Variants in SPTBN2 observed in about 807,000 individuals in gnomAD.
SPTBN2 encodes spectrin beta, non-erythrocytic 2.
SPTBN2 carries 107 observed loss-of-function variants against 284.2 expected under a neutral mutation model. That is an observed-to-expected ratio of 0.38 (90% confidence interval 0.32 to 0.44). The LOEUF is 0.44. Among genes scored for constraint, SPTBN2 ranks in the 20% least tolerant of loss-of-function variants. The probability of loss-of-function intolerance (pLI) is 1.00; values close to 1 mark genes in which losing one functional copy is unlikely to be tolerated. For synonymous variants in SPTBN2, 1,289 were observed against 1,354.8 expected (o/e 0.95, Z 1.07); for missense variants, 2,569 against 3,287.1 (o/e 0.78, Z 5.34).
At position 66,688,266 on chromosome 11, in the gene SPTBN2, C is replaced by T. The variant is rs767828250; in HGVS notation, c.6277G>A (p.Glu2093Lys). The T allele has an allele frequency of 6.2e-6, 10 of 1,611,802 alleles. No individual in the cohort carries two copies. Among genetic ancestry groups the T allele is most frequent in the Non-Finnish European group, 8.5e-6 (10 of 1,179,232 alleles). ...GGAGCAGGCGGCTGTTTCCGCCGCT[C>T]CTCCTCCTCCCTCTTTCTCTTTCGC... is the stretch of plus-strand genomic sequence containing the variant. Reference protein sequence around the residue: ...KERKRKREEEERRKQPPAPEP... With the variant: ...KERKRKREEEKRRKQPPAPEP... The change falls in exon 32 of 38, where the codon GAG (glutamate) becomes AAG (lysine). Residue 2093 changes from glutamate to lysine, a missense_variant. Around this residue, in one of 6 missense-constraint regions of SPTBN2, gnomAD observed 1,130 missense variants for 1,317.3 expected, o/e 0.86. Transcript: ENST00000533211.
chr11:66,688,583 C>T, intron 31 of SPTBN2, 70 bp downstream of exon 31: 1 of 1,592,720 alleles, frequency 6.3e-7, no homozygotes, highest in Non-Finnish European at 8.6e-7. Flanking sequence ...GACATGTCTT[C>T]TCCAAGCAGA....
At chr11:66,694,107 G>A in intron 22 of SPTBN2, 32 bp downstream of exon 22, 1 of 1,598,766 alleles carries the variant, frequency 6.3e-7, no homozygotes, top group Non-Finnish European at 8.5e-7. Context: ...ATGGCTGGGG[G>A]CAGCTTGCCG....
chr11:66,696,525 T>C lies in SPTBN2; in HGVS notation c.4030A>G (p.Thr1344Ala). Residue 1344 changes from threonine (T) to alanine (A), a missense_variant, in exon 21 of 38, where the codon ACC (threonine) becomes GCC (alanine). Coordinates refer to ENST00000533211, the MANE Select transcript of SPTBN2 (RefSeq NM_006946.4). Reference sequence around the variant, plus strand: ...GCTTTCAGCTCTGGCTTCTCAAGGGTGAGCTCTCGCCCTTCCTGGAAGGCA... The same window carrying C: ...GCTTTCAGCTCTGGCTTCTCAAGGGCGAGCTCTCGCCCTTCCTGGAAGGCA... ...DKVDKEGRELTLEKPELKALV... is the reference protein window; with the variant it reads ...DKVDKEGRELALEKPELKALV... 1 of 1,611,678 alleles carries C rather than the reference T, an allele frequency of 6.2e-7. No homozygotes were observed. Among genetic ancestry groups the C allele is most frequent in the Non-Finnish European group, 8.5e-7 (1 of 1,180,012 alleles).
chr11:66,715,799 C>T lies in SPTBN2; in HGVS notation c.309+31G>A, dbSNP rs776434495. ...GTCCCCTTGGACACTTTTCTAAGGC[C>T]CCCCCACTTCCCTTCATGACCACAG... On this transcript the variant is annotated intron_variant, in intron 4 of 37. Coordinates refer to ENST00000533211, the MANE Select transcript of SPTBN2 (RefSeq NM_006946.4). The surrounding 1 kb of genome is among the most constrained non-coding windows in gnomAD (Gnocchi z 5.3). The T allele has an allele frequency of 8.7e-6, 14 of 1,612,574 alleles. No individual in the cohort carries two copies. The highest frequency in any genetic ancestry group is 1.1e-5 in the Non-Finnish European group (13 of 1,179,564).
Position 66,708,068 on chromosome 11 carries a change from C to G in SPTBN2, c.1350+73G>C. On this transcript the variant is annotated intron_variant, in intron 12 of 37. Transcript: ENST00000533211. This position sits in a 1 kb window ranked among gnomAD's most constrained non-coding sequence, Gnocchi z 4.4. ...TGTGTTTCATTGTCTCTCCACCCCG[C>G]GGGGCTTCTTATCCACCCTGTCTCT... 3.7e-6 allele frequency: 6 copies of G among 1,602,930 alleles called. No homozygotes were observed. Among genetic ancestry groups the G allele is most frequent in the Non-Finnish European group, 5.1e-6 (6 of 1,171,552 alleles).
intron 36 of SPTBN2, 78 bp downstream of exon 36, chr11:66,686,916 C>A (rs1435729656): frequency 5.0e-6 from 8 of 1,597,496 alleles, no homozygotes; most frequent in Non-Finnish European, 6.0e-6. Context: ...ACTCCCCTCC[C>A]TCTGGACCTG....
chr11:66,696,368 T>G lies in SPTBN2; in HGVS notation c.4187A>C (p.Glu1396Ala). 6.2e-7 allele frequency: 1 copy of G among 1,613,458 alleles called. No individual in the cohort carries two copies. Among genetic ancestry groups the G allele is most frequent in the Non-Finnish European group, 8.5e-7 (1 of 1,180,030 alleles). The change falls in exon 21 of 38, where the codon GAG becomes GCG. Residue 1396 changes from glutamate to alanine, a missense_variant. Transcript: ENST00000533211. ...ELFAQSCCAL[E>A]SWLESLQAQL... ...GGCCTGCAGGCTCTCCAGCCAGCTC[T>G]CCAGGGCACAGCAGCTCTGGGCAAA...
At chr11:66,744,375 T>C (rs1340497996) in intron 1 of SPTBN2, 1 of 153,792 alleles carries the variant, frequency 6.5e-6, no homozygotes, top group Non-Finnish European at 1.4e-5. Flanking sequence ...ACCCGCTTGG[T>C]AGCCCCGCGC....
At chr11:66,721,524 C>G (rs1942401952) in intron 1 of SPTBN2, 84 bp from the exon 2 acceptor site, 1 of 488,610 alleles carries the variant, frequency 2.0e-6, no homozygotes, top group South Asian at 2.0e-5. Flanking sequence ...TCAGGAAAGG[C>G]TCCAACGACT....
intron 20 of SPTBN2, among the ~76,000 whole-genome samples, chr11:66,697,796 C>G (rs1293666872): frequency 6.6e-6 from 1 of 152,142 alleles, no homozygotes; most frequent in Non-Finnish European, 1.5e-5. Flanking sequence ...AGTGTTGTTC[C>G]TTCAGGGTGG....
intron 21 of SPTBN2, 123 bp from the exon 22 acceptor site, chr11:66,694,486 G>C (rs1940786794): frequency 2.1e-6 from 2 of 964,792 alleles, no homozygotes; most frequent in Admixed American, 5.0e-5. Context: ...CACCCAGGGA[G>C]AGCATCCCCT....
At chr11:66,730,385 C>T (rs1942788389), upstream of SPTBN2, among the ~76,000 whole-genome samples, 1 of 151,934 alleles carries the variant, frequency 6.6e-6, no homozygotes, top group Admixed American at 6.6e-5. Flanking sequence ...AGTTCAAGAC[C>T]AGCCTGGCCA....
chr11:66,708,061 C>T lies in SPTBN2; in HGVS notation c.1350+80G>A, dbSNP rs1941660206. 2 of 1,596,302 alleles carry T rather than the reference C, an allele frequency of 1.3e-6. No homozygotes were observed. The highest frequency in any genetic ancestry group is 2.2e-5 in the East Asian group (1 of 44,570). ...CGGATTTTGTGTTTCATTGTCTCTC[C>T]ACCCCGCGGGGCTTCTTATCCACCC... On this transcript the variant is annotated intron_variant, in intron 12 of 37. Transcript: ENST00000533211. This position sits in a 1 kb window ranked among gnomAD's most constrained non-coding sequence, Gnocchi z 4.4.
Position 66,693,154 on chromosome 11 carries a change from T to C in SPTBN2, c.4854+32A>G. ...TCAGGTCAGGGGAGGGCAGAACTGG[T>C]CACATACACTGGGCTCTGTCCTGGC... On this transcript the variant is annotated intron_variant, in intron 24 of 37. Coordinates refer to ENST00000533211, the MANE Select transcript of SPTBN2 (RefSeq NM_006946.4). This position sits in a 1 kb window ranked among gnomAD's most constrained non-coding sequence, Gnocchi z 5.7. The C allele has an allele frequency of 6.2e-7, 1 of 1,614,178 alleles. No individual in the cohort carries two copies. Among genetic ancestry groups the C allele is most frequent in the Non-Finnish European group, 8.5e-7 (1 of 1,180,026 alleles).
chr11:66,696,661 T>TTG (rs2135385009), intron 20 of SPTBN2, 121 bp from the exon 21 acceptor site: 1 of 1,353,376 alleles, frequency 7.4e-7, no homozygotes, highest in Admixed American at 1.7e-5. Context: ...TTCCAAGTCC[T>TTG]TGTGTGTTCT....
chr11:66,690,249 T>C lies in SPTBN2; in HGVS notation c.5600A>G (p.Gln1867Arg). Residue 1867 changes from glutamine (Q) to arginine (R), a missense_variant, in exon 28 of 38, where the codon CAG becomes CGG. Gln to Arg is a conservative substitution (Grantham distance 43, BLOSUM62 1). Coordinates refer to ENST00000533211, the MANE Select transcript of SPTBN2 (RefSeq NM_006946.4). ...QQVQDDGHRL[Q>R]KAYAGDKAEE... is the part of the protein sequence containing the mutation. ...AGCCTTGTCTCCAGCGTAGGCCTTC[T>C]GGAGCCGGTGGCCGTCGTCCTGCAC... is the stretch of plus-strand genomic sequence containing the variant. 1 of 1,611,884 alleles carries C rather than the reference T, an allele frequency of 6.2e-7. No homozygotes were observed. The highest frequency in any genetic ancestry group is 8.5e-7 in the Non-Finnish European group (1 of 1,178,992).
At position 66,698,779 on chromosome 11, in the gene SPTBN2, G is replaced by T. The variant is rs1278018995; in HGVS notation, c.3874C>A (p.Leu1292Ile). 1 of 1,613,484 alleles carries T rather than the reference G, an allele frequency of 6.2e-7. No individual in the cohort carries two copies. Among genetic ancestry groups the T allele is most frequent in the Admixed American group, 1.7e-5 (1 of 60,014 alleles). The change falls in exon 20 of 38, where the codon CTC (leucine) becomes ATC (isoleucine). Residue 1292 changes from leucine (L) to isoleucine (I), a missense_variant. Leu to Ile is a conservative substitution (Grantham distance 5). This residue lies in a region of SPTBN2 where 24 missense variants were observed against 58.1 expected (regional missense o/e 0.41). Transcript: ENST00000533211. ...GTCAGCATCTTCTCGTCGATCCAGA[G>T]CTTCAGCTGGACCAAACATAAAACA... ...HFLQDCHELKLWIDEKMLTAQ... is the reference protein window; with the variant it reads ...HFLQDCHELKIWIDEKMLTAQ...
chr11:66,724,954 G>A (rs1713201845), intron 1 of SPTBN2, among the ~76,000 whole-genome samples: 1 of 152,160 alleles, frequency 6.6e-6, no homozygotes, highest in Non-Finnish European at 1.5e-5. Context: ...AAGTTACAAA[G>A]GGGCCCAACT....
chr11:66,714,774 G>A (rs756078815), intron 5 of SPTBN2, among the ~76,000 whole-genome samples: 7 of 152,158 alleles, frequency 4.6e-5, no homozygotes, highest in African/African-American at 1.4e-4. Flanking sequence ...GATCAGGAAC[G>A]CTGTGATGGC....
Sources: gnomAD v4.1 joint callset for allele counts (sites outside exome capture counted in the v4.1 genomes callset) on GRCh38, gnomAD v4.1.1 for gene constraint, gnomAD v4.1.1 regional missense constraint, Gnocchi (gnomAD v3.1) non-coding constraint, MANE v1.5 for transcripts, NCBI Gene and HGNC (gene_info 2026-07-23, HGNC 2026-07-21) for gene names.